Variants in EPHA4 observed in about 807,000 individuals in gnomAD.
EPHA4 encodes ephrin type-A receptor 4.
In EPHA4, 19 loss-of-function variants were observed where a neutral mutation model predicts 108.3. The observed-to-expected ratio is 0.18, with a 90% CI of 0.12 to 0.26. The LOEUF (loss-of-function observed/expected upper bound fraction) is 0.26. Among genes scored for constraint, EPHA4 ranks in the 10% least tolerant of loss-of-function variants. The pLI is 1.00. For missense variants in EPHA4, 917 were observed against 1,254.0 expected, an observed-to-expected ratio of 0.73 and a Z score of 4.06; for synonymous variants, 449 against 455.5, an observed-to-expected ratio of 0.99 and a Z score of 0.18.
At chr2:221,448,321 C>T (rs1690662116) in intron 8 of EPHA4, among the ~76,000 whole-genome samples, 1 of 152,042 alleles carries the variant, frequency 6.6e-6, no homozygotes, top group African/African-American at 2.4e-5. Context: ...CCTGATCCAG[C>T]CCACGACTTC....
chr2:221,438,645 G>A lies in EPHA4; in HGVS notation c.2075-1523C>T, dbSNP rs543047809. ...TCTACTAAAAATACAAAAATTTGCCGGGTGCAGTACGCACTTGCAGTCCCA... is the reference window on the plus strand; with the variant it reads ...TCTACTAAAAATACAAAAATTTGCCAGGTGCAGTACGCACTTGCAGTCCCA... On this transcript the variant is annotated intron_variant, in intron 11 of 17. Transcript: ENST00000281821. Among the ~76,000 whole-genome samples the A allele has an allele frequency of 4.5e-3, 681 of 151,876 alleles. 3 individuals are homozygous for A. The highest frequency in any genetic ancestry group is 7.3e-3 in the Non-Finnish European group (498 of 67,950).
At chr2:221,556,831 G>T (rs748283866) in intron 3 of EPHA4, among the ~76,000 whole-genome samples, 12 of 152,070 alleles carry the variant, frequency 7.9e-5, no homozygotes, top group Non-Finnish European at 2.9e-5. Flanking sequence ...TATTATTGTT[G>T]TTGGCATTCT....
chr2:221,491,704 T>C (rs1295863280), intron 4 of EPHA4, among the ~76,000 whole-genome samples: 2 of 152,154 alleles, frequency 1.3e-5, no homozygotes, highest in Non-Finnish European at 2.9e-5. Context: ...ATGGGGATTA[T>C]CTTTTCTGCC....
chr2:221,554,628 T>C (rs1316223636), intron 3 of EPHA4, among the ~76,000 whole-genome samples: 3 of 152,056 alleles, frequency 2.0e-5, no homozygotes, highest in African/African-American at 7.2e-5. Flanking sequence ...AAAAAGTGAA[T>C]CCACAAATAT....
chr2:221,483,711 G>A (rs1012835414), intron 4 of EPHA4, among the ~76,000 whole-genome samples: 1 of 152,060 alleles, frequency 6.6e-6, no homozygotes. Context: ...TGTTGGCCAG[G>A]CCAGTCTTGA....
At chr2:221,442,068 G>C (rs187713532) in intron 11 of EPHA4, among the ~76,000 whole-genome samples, 1 of 152,126 alleles carries the variant, frequency 6.6e-6, no homozygotes, top group African/African-American at 2.4e-5. Flanking sequence ...GCTTTCCAGG[G>C]GACACAGCCC....
intron 10 of EPHA4, 105 bp from the exon 11 acceptor site, chr2:221,443,119 A>G (rs1020139735): frequency 8.6e-7 from 1 of 1,162,976 alleles, no homozygotes. Context: ...GCTGTTTGCT[A>G]GTGCTTTGCA....
intron 4 of EPHA4, among the ~76,000 whole-genome samples, chr2:221,483,500 TTGTGTGTGTGTGTG>T (rs58143142): frequency 7.0e-5 from 10 of 143,710 alleles, no homozygotes; most frequent in South Asian, 2.3e-4. Context: ...TGATGTAGAT[TTGTGTGTGTGTGTG>T]TGTGTGTGTG....
At position 221,564,293 on chromosome 2, in the gene EPHA4, A is replaced by ACT; in HGVS notation, c.260_261insAG (p.Asp87GlufsTer20). ...TCTGAGCCCCTTCTCGGGTGATCCA[A>ACT]TCAGTTCGTAGCCAGTTATTCTGGC... On this transcript the variant is annotated frameshift_variant, in exon 3 of 18. Coordinates refer to ENST00000281821, the MANE Select transcript of EPHA4 (RefSeq NM_004438.5). LOFTEE classifies it high-confidence loss of function. The ACT allele has an allele frequency of 1.9e-6, 3 of 1,614,072 alleles. No individual in the cohort carries two copies. The highest frequency in any genetic ancestry group is 2.5e-6 in the Non-Finnish European group (3 of 1,180,008).
intron 3 of EPHA4, among the ~76,000 whole-genome samples, chr2:221,542,192 CA>C (rs1374158294): frequency 6.6e-6 from 1 of 152,160 alleles, no homozygotes; most frequent in Non-Finnish European, 1.5e-5. Context: ...CATTGTTCAA[CA>C]ATCTGTGCAA....
intron 5 of EPHA4, among the ~76,000 whole-genome samples, chr2:221,461,020 T>C (rs1278401157): frequency 6.6e-6 from 1 of 152,200 alleles, no homozygotes; most frequent in Non-Finnish European, 1.5e-5. Context: ...GAACATTGCA[T>C]GTAAATAAAA....
At chr2:221,506,807 A>G (rs1276222037) in intron 3 of EPHA4, among the ~76,000 whole-genome samples, 1 of 152,236 alleles carries the variant, frequency 6.6e-6, no homozygotes, top group Non-Finnish European at 1.5e-5. Flanking sequence ...CAAGGATATG[A>G]TGAAGGTATT....
intron 3 of EPHA4, among the ~76,000 whole-genome samples, chr2:221,516,246 G>A (rs1006190146): frequency 1.3e-5 from 2 of 152,004 alleles, no homozygotes; most frequent in Non-Finnish European, 1.5e-5. Flanking sequence ...AGGTTTCTAG[G>A]GGTCAGTTTC....
chr2:221,566,363 A>T (rs560090943), intron 2 of EPHA4, among the ~76,000 whole-genome samples: 14 of 152,316 alleles, frequency 9.2e-5, no homozygotes, highest in African/African-American at 3.1e-4. Flanking sequence ...ATCAAGACTC[A>T]ATATGCTTTT....
intron 8 of EPHA4, among the ~76,000 whole-genome samples, chr2:221,449,943 C>A (rs1223781563): frequency 6.6e-6 from 1 of 152,206 alleles, no homozygotes; most frequent in East Asian, 1.9e-4. Context: ...TTCACAGCAG[C>A]CATTCTTTTT....
In EPHA4 at chr2:221,506,419, A is replaced by G. The variant is rs183046245; in HGVS notation, c.824-5247T>C. On this transcript the variant is annotated intron_variant, in intron 3 of 17. Coordinates refer to ENST00000281821, the MANE Select transcript of EPHA4 (RefSeq NM_004438.5). ...AGCCATCTTTGGGGAAGGTGTGAACATTAACCAATTAATTCCCCACAGTAC... is the reference window on the plus strand; with the variant it reads ...AGCCATCTTTGGGGAAGGTGTGAACGTTAACCAATTAATTCCCCACAGTAC... Among the ~76,000 whole-genome samples the G allele has an allele frequency of 2.4e-3, 366 of 152,362 alleles. 3 individuals are homozygous for G. The highest frequency in any genetic ancestry group is 0.014 in the Middle Eastern group (4 of 294).
chr2:221,462,865 C>T (rs1455796725), intron 5 of EPHA4, among the ~76,000 whole-genome samples: 1 of 152,222 alleles, frequency 6.6e-6, no homozygotes, highest in East Asian at 1.9e-4. Flanking sequence ...GCTCTTTAGG[C>T]TGATGAAGGT....
At chr2:221,424,668 C>T (rs1320917048) in intron 17 of EPHA4, among the ~76,000 whole-genome samples, 1 of 152,188 alleles carries the variant, frequency 6.6e-6, no homozygotes, top group Non-Finnish European at 1.5e-5. Flanking sequence ...AGTTCCAAGT[C>T]TCACCACTGG....
intron 3 of EPHA4, among the ~76,000 whole-genome samples, chr2:221,541,597 G>A (rs1693841852): frequency 6.6e-6 from 1 of 152,082 alleles, no homozygotes; most frequent in South Asian, 2.1e-4. Flanking sequence ...AACTCCACAG[G>A]CATACAGATG....
Sources: allele counts gnomAD v4.1 joint callset (sites outside exome capture counted in the v4.1 genomes callset), GRCh38; gene constraint gnomAD v4.1.1; transcripts MANE v1.5; gene names NCBI Gene and HGNC (gene_info 2026-07-23, HGNC 2026-07-21).